AP4M1: variants seen among roughly 807,000 people sequenced by gnomAD.
AP4M1 encodes adaptor related protein complex 4 subunit mu 1, also known as AP-4 complex subunit mu-1.
In AP4M1, 58 loss-of-function variants were observed where a neutral mutation model predicts 62.4. The ratio of observed to expected loss-of-function variants is 0.93; its 90% CI spans 0.75 to 1.16. The LOEUF (loss-of-function observed/expected upper bound fraction) is 1.16. AP4M1 is among the 50% of genes most tolerant of loss of function. The probability of loss-of-function intolerance (pLI) is 0.00; values close to 1 mark genes in which losing one functional copy is unlikely to be tolerated. For missense variants in AP4M1, 626 were observed against 585.4 expected (o/e 1.07, Z -0.72); for synonymous variants, 290 against 239.7 (o/e 1.21, Z -1.94).
chr7:100,102,391 G>C lies in AP4M1; in HGVS notation c.148-284G>C, dbSNP rs975563484. On this transcript the variant is annotated intron_variant, in intron 2 of 14. Transcript: ENST00000359593. ...GGGAGACAGAGCGAGACTCCCTCTC[G>C]GGGTAGGTGGGGGTGGGGAAAAAAA... 2.0e-5 allele frequency: 10 copies of C among 504,718 alleles called. No homozygotes were observed. The Admixed American group carries it at 2.4e-4, about 12-fold the overall frequency. The allele number at this position is 504,718 out of a possible 1,614,324, so 31.3% of individuals were successfully genotyped here.
intron 6 of AP4M1, among the ~76,000 whole-genome samples, 191 bp from the exon 7 acceptor site, chr7:100,103,901 A>AAG (rs1352159453): frequency 3.4e-4 from 51 of 151,078 alleles, no homozygotes; most frequent in Middle Eastern, 3.4e-3. Context: ...AAAAAAAAAA[A>AAG]AAAAAGAAAA....
chr7:100,104,237 G>A (rs1796290691), intron 7 of AP4M1, 83 bp downstream of exon 7: 8 of 1,183,898 alleles, frequency 6.8e-6, no homozygotes, highest in Non-Finnish European at 8.8e-6. Flanking sequence ...CCCAGCAACG[G>A]CCGGGCACAG....
At chr7:100,103,312 CTGAGAGTA>C (rs1796209851) in intron 4 of AP4M1, 89 bp from the exon 5 acceptor site, 1 of 1,088,822 alleles carries the variant, frequency 9.2e-7, no homozygotes, top group Non-Finnish European at 1.4e-6. Flanking sequence ...TTCCAAAGCG[CTGAGAGTA>C]CAGGAGTGAG....
At chr7:100,101,282 C>T (rs1361624646), upstream of AP4M1, 6 of 1,613,300 alleles carry the variant, frequency 3.7e-6, no homozygotes, top group Non-Finnish European at 5.1e-6. Context: ...AGCGCGTAGT[C>T]CTTCAGTGCC....
upstream of AP4M1, chr7:100,101,156 AC>A (rs1796000182): frequency 7.1e-6 from 10 of 1,401,034 alleles, no homozygotes; most frequent in Non-Finnish European, 2.0e-6. Flanking sequence ...GGCCTCGCGC[AC>A]CCCAGAACCC....
upstream of AP4M1, chr7:100,101,323 G>C: frequency 6.2e-7 from 1 of 1,612,902 alleles, no homozygotes; most frequent in Non-Finnish European, 8.5e-7. Context: ...GGCCGCGCTT[G>C]GCGGGCTCAG....
rs371718780 is a variant in AP4M1, at chr7:100,102,736, C to G, written c.209C>G (p.Thr70Ser). ...RHSGLYLVVT[T>S]SENVSPFSLL... ...AGCGGCCTCTATTTGGTGGTCACAA[C>G]TTCAGAAAACGTTTCTCCCTTCAGC... Residue 70 changes from threonine (T) to serine (S), a missense_variant, in exon 3 of 15, where the codon ACT (threonine) becomes AGT (serine). By Grantham distance (58) the Thr-to-Ser change is moderately conservative. Transcript: ENST00000359593. 2.4e-5 allele frequency: 39 copies of G among 1,614,080 alleles called. No individual in the cohort carries two copies. Among genetic ancestry groups the G allele is most frequent in the Non-Finnish European group, 3.2e-5 (38 of 1,180,046 alleles).
In AP4M1 at chr7:100,108,580, G is replaced by C; in HGVS notation, c.*1698G>C. 6.4e-7 allele frequency: 1 copy of C among 1,559,322 alleles called. No individual in the cohort carries two copies. Among genetic ancestry groups the C allele is most frequent in the Non-Finnish European group, 8.7e-7 (1 of 1,150,202 alleles). On this transcript the variant is annotated 3_prime_UTR_variant, in exon 15 of 15. Transcript: ENST00000359593. ...AAAAGCCAGGTAGAGGGAGGGCTGG[G>C]GAAAAAAGCCAGGTAGAGGGAGGGC...
intron 4 of AP4M1, 48 bp downstream of exon 4, chr7:100,103,008 A>C: frequency 6.6e-7 from 1 of 1,509,994 alleles, no homozygotes; most frequent in Non-Finnish European, 9.2e-7. Flanking sequence ...ATTCCCCTGA[A>C]GATACATCTG....
At position 100,101,977 on chromosome 7, in the gene AP4M1, T is replaced by C. The variant is rs1190436131; in HGVS notation, c.147+9T>C. ...AGTCCCCGGTTGTCATGGTAACCAG[T>C]GGCGGGAGGCGGGTGAGGAGCGGGG... On this transcript the variant is annotated intron_variant, in intron 2 of 14. Transcript: ENST00000359593. 1.2e-6 allele frequency: 2 copies of C among 1,612,880 alleles called. No individual in the cohort carries two copies. Among genetic ancestry groups the C allele is most frequent in the South Asian group, 1.1e-5 (1 of 91,046 alleles).
At position 100,104,113 on chromosome 7, in the gene AP4M1, T is replaced by C. The variant is rs1188130705; in HGVS notation, c.565T>C (p.Leu189=). The C allele has an allele frequency of 6.2e-7, 1 of 1,614,072 alleles. No homozygotes were observed. Among genetic ancestry groups the C allele is most frequent in the Non-Finnish European group, 8.5e-7 (1 of 1,180,008 alleles). The change falls in exon 7 of 15, where the codon TTG becomes CTG. Residue 189 remains leucine, a synonymous_variant. Coordinates refer to ENST00000359593, the MANE Select transcript of AP4M1 (RefSeq NM_004722.4). Reference sequence around the variant, plus strand: ...TCAGAGCCAAAAGAATGAAGTTTTTTTGGATGTGGTCGAGAGATTGTCTGT... The same window carrying C: ...TCAGAGCCAAAAGAATGAAGTTTTTCTGGATGTGGTCGAGAGATTGTCTGT... ...SDQSQKNEVF[L]DVVERLSVLI... is the part of the protein sequence containing the mutation.
At chr7:100,104,806 G>T (rs536448879) in intron 7 of AP4M1, 68 bp from the exon 8 acceptor site, 2 of 1,582,272 alleles carry the variant, frequency 1.3e-6, no homozygotes, top group African/African-American at 1.3e-5. Context: ...CAGCCTGGGC[G>T]ACAGAGCGAG....
rs1250823279 is a variant in AP4M1, at chr7:100,108,157, CATCTACT to C, written c.*1277_*1283del. The C allele has an allele frequency of 6.4e-7, 1 of 1,563,250 alleles. No individual in the cohort carries two copies. The highest frequency in any genetic ancestry group is 1.3e-5 in the African/African-American group (1 of 74,538). ...AGAAGAGGAAAGGGGGAAGTGGCAC[CATCTACT>C]AAGAAGAGGAGTCTGAAGGGAGAGG... On this transcript the variant is annotated 3_prime_UTR_variant, in exon 15 of 15. Transcript: ENST00000359593.
chr7:100,108,530 G>T lies in AP4M1; in HGVS notation c.*1648G>T, dbSNP rs1212119899. ...TGGGCGCAGCTTTGCCAGAACAGGA[G>T]CACAGTGTTTCTGCAGAACAGAAAA... is the stretch of plus-strand genomic sequence containing the variant. On this transcript the variant is annotated 3_prime_UTR_variant, in exon 15 of 15. Transcript: ENST00000359593. The T allele has an allele frequency of 1.9e-6, 3 of 1,608,214 alleles. No homozygotes were observed. Among genetic ancestry groups the T allele is most frequent in the South Asian group, 1.1e-5 (1 of 90,906 alleles).
chr7:100,101,421 T>C, upstream of AP4M1: 2 of 1,326,364 alleles, frequency 1.5e-6, no homozygotes, highest in South Asian at 2.5e-5. Flanking sequence ...GCCCCCCACG[T>C]GACCGGCGCC....
At chr7:100,102,246 C>T (rs1796105589) in intron 2 of AP4M1, 5 of 579,772 alleles carry the variant, frequency 8.6e-6, no homozygotes, top group East Asian at 3.3e-5. Flanking sequence ...AAAAACATAG[C>T]TGGGCGTGGT....
At chr7:100,103,923 C>T (rs1450108540) in intron 6 of AP4M1, among the ~76,000 whole-genome samples, 169 bp from the exon 7 acceptor site, 3 of 149,722 alleles carry the variant, frequency 2.0e-5, no homozygotes, top group Admixed American at 6.7e-5. Flanking sequence ...GATCTTGGCA[C>T]ATCTCCCACC....
At position 100,106,046 on chromosome 7, in the gene AP4M1, G is replaced by C. The variant is rs79617997; in HGVS notation, c.974+43G>C. 3.2e-3 allele frequency: 5,181 copies of C among 1,609,024 alleles called. 130 individuals are homozygous for C. The African/African-American group carries it at 0.058, about 18-fold the overall frequency. On this transcript the variant is annotated intron_variant, in intron 12 of 14. Coordinates refer to ENST00000359593, the MANE Select transcript of AP4M1 (RefSeq NM_004722.4). ...CTGGCTGAGTTCAGCTCTATGGGAC[G>C]GAAGACAGGGCCAGGGCACCTGCTG...
chr7:100,106,963 C>A lies in AP4M1; in HGVS notation c.*81C>A. The A allele has an allele frequency of 6.8e-7, 1 of 1,465,700 alleles. No homozygotes were observed. The highest frequency in any genetic ancestry group is 9.3e-7 in the Non-Finnish European group (1 of 1,080,138). 90.8% of individuals were successfully genotyped at this position (1,465,700 alleles called of 1,614,324 possible). ...AGTCGTTTCTTTTCCAGCCTCCTGG[C>A]CTTCGGACTCTGAATCTGGGCAGGA... On this transcript the variant is annotated 3_prime_UTR_variant, in exon 15 of 15. Coordinates refer to ENST00000359593, the MANE Select transcript of AP4M1 (RefSeq NM_004722.4).
Sources: allele counts gnomAD v4.1 joint callset (sites outside exome capture counted in the v4.1 genomes callset), GRCh38; gene constraint gnomAD v4.1.1; transcripts MANE v1.5; gene names NCBI Gene and HGNC (gene_info 2026-07-23, HGNC 2026-07-21).